Variants in CSMD3 observed in about 807,000 individuals in gnomAD.
The protein encoded by CSMD3 is CUB and sushi domain-containing protein 3.
In CSMD3, 177 loss-of-function variants were observed where a neutral mutation model predicts 435.2. The observed-to-expected ratio is 0.41, with a 90% CI of 0.36 to 0.46. The LOEUF is 0.46. Among genes scored for constraint, CSMD3 ranks in the 20% least tolerant of loss-of-function variants. The pLI is 0.34. For synonymous variants in CSMD3, 1,656 were observed against 1,520.5 expected (o/e 1.09, Z -2.07); for missense variants, 4,265 against 4,504.6 (o/e 0.95, Z 1.52).
chr8:113,137,227 C>G (rs887739456), intron 4 of CSMD3, among the ~76,000 whole-genome samples: 2 of 151,528 alleles, frequency 1.3e-5, no homozygotes, highest in Non-Finnish European at 3.0e-5. Flanking sequence ...ACGTTGTTAA[C>G]TAAGTTTAAG....
At chr8:112,240,156 A>AG (rs1236547842) in intron 66 of CSMD3, among the ~76,000 whole-genome samples, 1 of 152,122 alleles carries the variant, frequency 6.6e-6, no homozygotes, top group Non-Finnish European at 1.5e-5. Context: ...CCAAACATAC[A>AG]GGAATGTTTT....
chr8:113,175,569 T>G (rs1440785784), intron 3 of CSMD3, among the ~76,000 whole-genome samples: 1 of 151,986 alleles, frequency 6.6e-6, no homozygotes, highest in East Asian at 1.9e-4. Context: ...ACAATACAAC[T>G]TTATTGTCTG....
rs1054346708 is a variant in CSMD3, at chr8:113,199,442, T to C, written c.515-25526A>G. Among the ~76,000 whole-genome samples the C allele has an allele frequency of 2.6e-5, 4 of 151,942 alleles. No individual in the cohort carries two copies. The South Asian group carries it at 8.3e-4, about 31-fold the overall frequency. On this transcript the variant is annotated intron_variant, in intron 3 of 70. Transcript: ENST00000297405. ...TTGGATTGGCATGACTATTTTTAAA[T>C]AAGATGGTTTCTAGTATACAATATG...
chr8:113,193,242 A>G (rs138961289), intron 3 of CSMD3, among the ~76,000 whole-genome samples: 222 of 151,374 alleles, frequency 1.5e-3, no homozygotes, highest in African/African-American at 5.2e-3. Context: ...AGACTGTTTT[A>G]CCACATTCAG....
intron 27 of CSMD3, among the ~76,000 whole-genome samples, chr8:112,541,778 A>G (rs1826688842): frequency 6.6e-6 from 1 of 151,992 alleles, no homozygotes; most frequent in East Asian, 1.9e-4. Context: ...TTTCCAAATT[A>G]ATTTTGTAAA....
At chr8:112,714,891 A>C (rs1449200027) in intron 13 of CSMD3, among the ~76,000 whole-genome samples, 1 of 152,198 alleles carries the variant, frequency 6.6e-6, no homozygotes, top group Non-Finnish European at 1.5e-5. Flanking sequence ...ATAAAGAGAC[A>C]ACATACCAGA....
chr8:113,019,052 A>T lies in CSMD3; in HGVS notation c.1030+15T>A, dbSNP rs2086583162. The T allele has an allele frequency of 6.8e-7, 1 of 1,465,658 alleles. No individual in the cohort carries two copies. The highest frequency in any genetic ancestry group is 1.7e-5 in the Admixed American group (1 of 59,794). 90.8% of individuals were successfully genotyped at this position (1,465,658 alleles called of 1,614,324 possible). Reference sequence around the variant, plus strand: ...TTTACATATCAAAAGAGGCAAAGGTATTCCATAAGTATACCTTGATAGGGA... The same window carrying T: ...TTTACATATCAAAAGAGGCAAAGGTTTTCCATAAGTATACCTTGATAGGGA... On this transcript the variant is annotated intron_variant, in intron 6 of 70. Transcript: ENST00000297405.
At chr8:113,197,218 T>C (rs568036571) in intron 3 of CSMD3, among the ~76,000 whole-genome samples, 21 of 151,312 alleles carry the variant, frequency 1.4e-4, no homozygotes, top group Non-Finnish European at 2.5e-4. Flanking sequence ...TATGTCTGAC[T>C]TCATGTGATA....
At chr8:112,678,002 A>T (rs972389588) in intron 16 of CSMD3, among the ~76,000 whole-genome samples, 5 of 152,218 alleles carry the variant, frequency 3.3e-5, no homozygotes, top group Non-Finnish European at 7.4e-5. Flanking sequence ...CAATAATATA[A>T]TTTTTTGTAT....
chr8:112,396,787 A>G (rs529155837), intron 35 of CSMD3, among the ~76,000 whole-genome samples: 123 of 152,334 alleles, frequency 8.1e-4, no homozygotes, highest in African/African-American at 2.9e-3. Context: ...ACCAAAAATT[A>G]TACATAATAC....
chr8:112,750,997 T>C (rs2077556795), intron 13 of CSMD3, among the ~76,000 whole-genome samples: 1 of 151,978 alleles, frequency 6.6e-6, no homozygotes, highest in Non-Finnish European at 1.5e-5. Flanking sequence ...TAAGTATGCA[T>C]GGATTTGGTT....
Position 113,360,140 on chromosome 8 carries a change from G to A in CSMD3, c.179-45347C>T, listed in dbSNP as rs117786941. Among the ~76,000 whole-genome samples, 695 of 152,196 alleles carry A rather than the reference G, an allele frequency of 4.6e-3. 2 individuals are homozygous for A. Among genetic ancestry groups the A allele is most frequent in the Non-Finnish European group, 8.6e-3 (583 of 67,998 alleles). On this transcript the variant is annotated intron_variant, in intron 1 of 70. Coordinates refer to ENST00000297405, the MANE Select transcript of CSMD3 (RefSeq NM_198123.2). ...AGTGTCTGTTTTATTTTTATAATAT[G>A]TATAATGCTTCTAAACAAGCATCTT... is the stretch of plus-strand genomic sequence containing the variant.
Position 113,373,147 on chromosome 8 carries a change from A to AT in CSMD3, c.179-58355_179-58354insA, listed in dbSNP as rs1588620389. 2.6e-5 allele frequency among the ~76,000 whole-genome samples: 4 copies of AT among 152,266 alleles called. No homozygotes were observed. The East Asian group carries it at 7.7e-4, about 29-fold the overall frequency. ...CAGAATCCAATTCTCTAATCTGTAA[A>AT]CAACAGTAAAGGAAAAAATTTTGGC... On this transcript the variant is annotated intron_variant, in intron 1 of 70. Transcript: ENST00000297405.
At chr8:112,840,671 G>A (rs1464706110) in intron 11 of CSMD3, among the ~76,000 whole-genome samples, 1 of 151,574 alleles carries the variant, frequency 6.6e-6, no homozygotes, top group Non-Finnish European at 1.5e-5. Context: ...GTATAATTCT[G>A]AACCCCAGAA....
intron 63 of CSMD3, among the ~76,000 whole-genome samples, chr8:112,247,885 G>A (rs1486899023): frequency 1.3e-5 from 2 of 152,104 alleles, no homozygotes; most frequent in African/African-American, 4.8e-5. Flanking sequence ...ACAGAAAAAT[G>A]GAAAAGATAA....
intron 7 of CSMD3, among the ~76,000 whole-genome samples, chr8:112,973,006 A>C (rs1307186446): frequency 1.3e-5 from 2 of 152,010 alleles, no homozygotes; most frequent in Non-Finnish European, 2.9e-5. Flanking sequence ...TAGGGAGAAA[A>C]GAATACAGTG....
intron 4 of CSMD3, among the ~76,000 whole-genome samples, chr8:113,134,282 T>G (rs903709153): frequency 2.0e-5 from 3 of 152,098 alleles, no homozygotes; most frequent in Non-Finnish European, 4.4e-5. Context: ...AACTCAACTC[T>G]TAGAAGGAAT....
chr8:112,573,421 T>A (rs2131300122), intron 24 of CSMD3, 80 bp downstream of exon 24: 1 of 1,158,934 alleles, frequency 8.6e-7, no homozygotes, highest in Admixed American at 1.7e-5. Context: ...TTGGATATCA[T>A]TTCAATTTGT....
intron 27 of CSMD3, among the ~76,000 whole-genome samples, chr8:112,529,229 G>A (rs1825286997): frequency 6.6e-6 from 1 of 152,148 alleles, no homozygotes; most frequent in African/African-American, 2.4e-5. Flanking sequence ...CCACAAATAA[G>A]GGATAATGGA....
Sources: gnomAD v4.1 joint callset for allele counts (sites outside exome capture counted in the v4.1 genomes callset) on GRCh38, gnomAD v4.1.1 for gene constraint, MANE v1.5 for transcripts, NCBI Gene and HGNC (gene_info 2026-07-23, HGNC 2026-07-21) for gene names.